STXBP3: variants seen among roughly 807,000 people sequenced by gnomAD.
STXBP3 encodes syntaxin binding protein 3.
In STXBP3, 41 loss-of-function variants were observed where a neutral mutation model predicts 85.7. That is an observed-to-expected ratio of 0.48 (90% CI 0.37 to 0.62). The LOEUF is 0.62. STXBP3 is among the 20% of genes least tolerant of loss of function. STXBP3 has a pLI of 0.00. For synonymous variants in STXBP3, 229 were observed against 231.7 expected (o/e 0.99, Z 0.10); for missense variants, 563 against 703.1 (o/e 0.80, Z 2.25).
intron 11 of STXBP3, among the ~76,000 whole-genome samples, chr1:108,785,008 G>A (rs541295442): frequency 3.3e-5 from 5 of 152,298 alleles, no homozygotes; most frequent in Admixed American, 6.5e-5. Context: ...GCAGGATATA[G>A]CCCCTCTCCC....
chr1:108,793,805 A>G (rs1254662260), intron 12 of STXBP3, among the ~76,000 whole-genome samples, 158 bp downstream of exon 12: 38 of 152,210 alleles, frequency 2.5e-4, no homozygotes, highest in Admixed American at 2.5e-3. Flanking sequence ...CCATATATCT[A>G]AGCTTCTTCA....
At chr1:108,766,891 C>A in intron 6 of STXBP3, 1 of 512,726 alleles carries the variant, frequency 2.0e-6, no homozygotes, top group Non-Finnish European at 3.9e-6. Flanking sequence ...GAGCAGGTAA[C>A]TCTAGCACAA....
rs1282756181 is a variant in STXBP3, at chr1:108,758,563, A to G, written c.312A>G (p.Lys104=). 1.9e-6 allele frequency: 3 copies of G among 1,538,800 alleles called. No individual in the cohort carries two copies. Among genetic ancestry groups the G allele is most frequent in the Admixed American group, 1.9e-5 (1 of 53,388 alleles). ...CAAGTAAATCGGAGAACAAGTATAAAGCAGCATATATTTACTTCACTGACT... is the reference window on the plus strand; with the variant it reads ...CAAGTAAATCGGAGAACAAGTATAAGGCAGCATATATTTACTTCACTGACT... The part of the protein sequence containing the change: ...DFASKSENKY[K]AAYIYFTDFC... The change falls in exon 5 of 19, where the codon AAA becomes AAG. Residue 104 remains lysine (K), a synonymous_variant. Transcript: ENST00000370008.
At chr1:108,795,332 C>T (rs1217752796) in intron 13 of STXBP3, among the ~76,000 whole-genome samples, 1 of 151,820 alleles carries the variant, frequency 6.6e-6, no homozygotes, top group East Asian at 1.9e-4. Flanking sequence ...ATTCTAATAG[C>T]CATGTTAATG....
At position 108,747,195 on chromosome 1, in the gene STXBP3, A is replaced by G. The variant is rs551457213; in HGVS notation, c.49+409A>G. 3.1e-5 allele frequency among the ~76,000 whole-genome samples: 3 copies of G among 97,838 alleles called. No individual in the cohort carries two copies. In the South Asian group the frequency reaches 9.5e-4, roughly 31 times the overall value. 64.2% of individuals were successfully genotyped at this position (97,838 alleles called of 152,430 possible). On this transcript the variant is annotated intron_variant, in intron 1 of 18. Transcript: ENST00000370008. ...ATCCGAGACAATTCGGGCGCTGTTTATTCCGCCCCCATCTCCACCCCACAC... is the reference window on the plus strand; with the variant it reads ...ATCCGAGACAATTCGGGCGCTGTTTGTTCCGCCCCCATCTCCACCCCACAC...
intron 11 of STXBP3, among the ~76,000 whole-genome samples, chr1:108,788,794 G>A (rs1320943134): frequency 2.0e-5 from 3 of 151,998 alleles, no homozygotes; most frequent in Non-Finnish European, 2.9e-5. Flanking sequence ...GGGCACGGTG[G>A]CTCACGTCTG....
Position 108,807,524 on chromosome 1 carries a change from A to G in STXBP3, c.1659A>G (p.Ala553=). ...EVRCAYEVSQ[A]HKSCEVIIGS... Reference sequence around the variant, plus strand: ...GTTGTGCTTATGAAGTTTCTCAGGCACATAAATCCTGTGAAGTTATTATTG... The same window carrying G: ...GTTGTGCTTATGAAGTTTCTCAGGCGCATAAATCCTGTGAAGTTATTATTG... The change falls in exon 18 of 19, where the codon GCA becomes GCG. Residue 553 remains alanine (A), a synonymous_variant. Coordinates refer to ENST00000370008, the MANE Select transcript of STXBP3 (RefSeq NM_007269.4). The G allele has an allele frequency of 1.9e-6, 3 of 1,608,726 alleles. No individual in the cohort carries two copies. The highest frequency in any genetic ancestry group is 1.7e-6 in the Non-Finnish European group (2 of 1,178,602).
At position 108,782,723 on chromosome 1, in the gene STXBP3, A is replaced by G. The variant is rs201014282; in HGVS notation, c.963+17A>G. 1.0e-4 allele frequency: 164 copies of G among 1,571,730 alleles called. 1 individual carries two copies. The Admixed American group carries it at 2.7e-3, about 26-fold the overall frequency. ...GAAGGAAAGGTAAGAGTCTTACTTAACTTTCAAAGTAATAGTGAAGGTGAA... is the reference window on the plus strand; with the variant it reads ...GAAGGAAAGGTAAGAGTCTTACTTAGCTTTCAAAGTAATAGTGAAGGTGAA... On this transcript the variant is annotated intron_variant, in intron 11 of 18. Transcript: ENST00000370008.
chr1:108,779,070 T>TC (rs1300663797), intron 8 of STXBP3, among the ~76,000 whole-genome samples: 2 of 152,200 alleles, frequency 1.3e-5, no homozygotes, highest in African/African-American at 4.8e-5. Flanking sequence ...TATATAGTCT[T>TC]CATTTTTCCT....
chr1:108,769,819 T>A (rs1257296705), intron 6 of STXBP3, among the ~76,000 whole-genome samples: 1 of 152,136 alleles, frequency 6.6e-6, no homozygotes, highest in Admixed American at 6.5e-5. Context: ...ACAACAAAGG[T>A]TTATTTCTCA....
intron 6 of STXBP3, among the ~76,000 whole-genome samples, chr1:108,768,339 A>G (rs955151094): frequency 1.3e-5 from 2 of 152,160 alleles, no homozygotes; most frequent in South Asian, 4.1e-4. Flanking sequence ...GGTTCAAGCA[A>G]TCTGCCTGCC....
At chr1:108,797,813 G>A (rs543301283) in intron 15 of STXBP3, among the ~76,000 whole-genome samples, 11 of 151,852 alleles carry the variant, frequency 7.2e-5, no homozygotes, top group African/African-American at 2.4e-4. Context: ...TCGGCTCACT[G>A]CAAGCTCTGC....
In STXBP3 at chr1:108,758,549, G is replaced by A; in HGVS notation, c.298G>A (p.Glu100Lys). Residue 100 changes from glutamate (E) to lysine (K), a missense_variant, in exon 5 of 19, where the codon GAG (glutamate) becomes AAG (lysine). Glu to Lys is a moderately conservative substitution (Grantham distance 56). Around this residue, in one of 3 missense-constraint regions of STXBP3, gnomAD observed 494 missense variants for 592.8 expected, o/e 0.83. Coordinates refer to ENST00000370008, the MANE Select transcript of STXBP3 (RefSeq NM_007269.4). ...CFLHDFASKS[E>K]NKYKAAYIYF... is the part of the protein sequence containing the mutation. ...CTTACATGATTTTGCAAGTAAATCG[G>A]AGAACAAGTATAAAGCAGCATATAT... 6.5e-7 allele frequency: 1 copy of A among 1,546,966 alleles called. No individual in the cohort carries two copies. The highest frequency in any genetic ancestry group is 8.8e-7 in the Non-Finnish European group (1 of 1,142,112).
chr1:108,807,131 A>C (rs539956588), intron 17 of STXBP3, among the ~76,000 whole-genome samples: 1 of 152,050 alleles, frequency 6.6e-6, no homozygotes, highest in Non-Finnish European at 1.5e-5. Context: ...ACATGCCTGT[A>C]ATCCTAGCTA....
At chr1:108,782,032 A>G in intron 9 of STXBP3, 1 of 156,928 alleles carries the variant, frequency 6.4e-6, no homozygotes, top group Non-Finnish European at 1.4e-5. Flanking sequence ...TCTTAATGGA[A>G]ATTTGATAAT....
At chr1:108,789,124 T>C (rs1283470196) in intron 11 of STXBP3, among the ~76,000 whole-genome samples, 1 of 152,114 alleles carries the variant, frequency 6.6e-6, no homozygotes, top group Non-Finnish European at 1.5e-5. Flanking sequence ...CCAACATTTG[T>C]CTTTGTTGAT....
At chr1:108,759,375 T>C (rs1410856281) in intron 5 of STXBP3, among the ~76,000 whole-genome samples, 2 of 152,180 alleles carry the variant, frequency 1.3e-5, no homozygotes, top group African/African-American at 4.8e-5. Flanking sequence ...ATGTGAACCC[T>C]CTTTTAACTT....
At chr1:108,793,163 T>TTTTCTTTTTTTTC (rs1298985271) in intron 11 of STXBP3, among the ~76,000 whole-genome samples, 6 of 142,640 alleles carry the variant, frequency 4.2e-5, no homozygotes, top group African/African-American at 1.6e-4. Context: ...CTCCATTTTT[T>TTTTCTTTTTTTTC]TTTTTTTTTT....
chr1:108,747,138 G>T (rs1318327798), intron 1 of STXBP3, among the ~76,000 whole-genome samples: 1 of 152,068 alleles, frequency 6.6e-6, no homozygotes, highest in Non-Finnish European at 1.5e-5. Context: ...CTCCGCTCCC[G>T]TCCGCGCTCC....
Sources: gnomAD v4.1 joint callset for allele counts (sites outside exome capture counted in the v4.1 genomes callset) on GRCh38, gnomAD v4.1.1 for gene constraint, gnomAD v4.1.1 regional missense constraint, MANE v1.5 for transcripts, NCBI Gene and HGNC (gene_info 2026-07-23, HGNC 2026-07-21) for gene names.